The following RDX variants were observed in gnomAD, a reference collection of about 807,000 sequenced individuals.
RDX encodes deafness, autosomal recessive 24.
Under a neutral mutation model 83.7 loss-of-function variants are expected in RDX, and 32 were observed. The ratio of observed to expected loss-of-function variants is 0.38; its 90% CI spans 0.29 to 0.51. The LOEUF is 0.51. Among genes scored for constraint, RDX ranks in the 20% least tolerant of loss-of-function variants. RDX has a pLI of 0.87. For synonymous variants in RDX, 229 were observed against 222.7 expected (o/e 1.03, Z -0.25); for missense variants, 600 against 689.9 (o/e 0.87, Z 1.46).
intron 1 of RDX, among the ~76,000 whole-genome samples, chr11:110,292,333 G>A (rs898392940): frequency 1.3e-5 from 2 of 151,698 alleles, no homozygotes; most frequent in Non-Finnish European, 2.9e-5. Context: ...GGTGGCACAC[G>A]CCTGTGTTGG....
downstream of RDX, among the ~76,000 whole-genome samples, chr11:110,225,205 A>C (rs1864391368): frequency 6.6e-6 from 1 of 152,346 alleles, no homozygotes; most frequent in South Asian, 2.1e-4. Context: ...AAAAAAACAC[A>C]AACACCAAAA....
chr11:110,227,961 A>C (rs1027831522), downstream of RDX, among the ~76,000 whole-genome samples: 3 of 152,140 alleles, frequency 2.0e-5, no homozygotes, highest in Non-Finnish European at 4.4e-5. Context: ...AAGGGAAATC[A>C]AAGTATTGAT....
intron 1 of RDX, among the ~76,000 whole-genome samples, chr11:110,289,416 T>C (rs1861122090): frequency 6.6e-6 from 1 of 152,166 alleles, no homozygotes; most frequent in South Asian, 2.1e-4. Flanking sequence ...TGATTAGATA[T>C]TAGCAGTAAG....
At position 110,233,357 on chromosome 11, in the gene RDX, G is replaced by A. The variant is rs1411872584; in HGVS notation, c.1467C>T (p.His489=). 4 of 1,614,022 alleles carry A rather than the reference G, an allele frequency of 2.5e-6. No individual in the cohort carries two copies. Among genetic ancestry groups the A allele is most frequent in the East Asian group, 2.2e-5 (1 of 44,878 alleles). ...CACTAGCTTCAGCATTATTCTCATCGTGTTCATCATGTTCGTTTTCTGTTG... is the reference window on the plus strand; with the variant it reads ...CACTAGCTTCAGCATTATTCTCATCATGTTCATCATGTTCGTTTTCTGTTG... The part of the protein sequence containing the change: ...IPPTENEHDE[H]DENNAEASAE... Residue 489 remains histidine (H), a synonymous_variant, in exon 13 of 14, where the codon CAC becomes CAT. Transcript: ENST00000645495.
At chr11:110,210,486 G>C (rs1386981684) in intron 14 of RDX, among the ~76,000 whole-genome samples, 1 of 149,132 alleles carries the variant, frequency 6.7e-6, no homozygotes, top group Non-Finnish European at 1.5e-5. Flanking sequence ...GAAATACAGA[G>C]AACACCACAA....
chr11:110,228,242 G>A (rs76245610), downstream of RDX, among the ~76,000 whole-genome samples: 1 of 152,152 alleles, frequency 6.6e-6, no homozygotes, highest in South Asian at 2.1e-4. Flanking sequence ...CGTAGACTGT[G>A]GGGGGTCAGG....
downstream of RDX, among the ~76,000 whole-genome samples, chr11:110,228,956 T>C (rs1376797168): frequency 6.6e-6 from 1 of 151,978 alleles, no homozygotes; most frequent in Non-Finnish European, 1.5e-5. Flanking sequence ...ACTATTTTTA[T>C]AGATTTATCA....
At chr11:110,190,706 T>C (rs1239919913) in intron 15 of RDX, among the ~76,000 whole-genome samples, 3 of 151,700 alleles carry the variant, frequency 2.0e-5, no homozygotes, top group African/African-American at 2.4e-5. Context: ...CCTAGATTAA[T>C]AGAAAAAAGA....
chr11:110,283,275 TC>T lies in RDX; in HGVS notation c.-64-3520del, dbSNP rs201242312. Among the ~76,000 whole-genome samples, 897 of 152,172 alleles carry T rather than the reference TC, an allele frequency of 5.9e-3. 5 individuals are homozygous for T. The highest frequency in any genetic ancestry group is 0.051 in the Middle Eastern group (15 of 294). On this transcript the variant is annotated intron_variant, in intron 1 of 13. Transcript: ENST00000645495. ...TTCAAGCGATTCTCCTGCCTCAGCC[TC>T]CCAAGTAGCTGGGATTACAGGCGTC...
chr11:110,215,979 ACT>A (rs1299156017), intron 14 of RDX, among the ~76,000 whole-genome samples: 1 of 152,232 alleles, frequency 6.6e-6, no homozygotes, highest in Non-Finnish European at 1.5e-5. Context: ...TACAAACTAC[ACT>A]GACACTTCCA....
intron 1 of RDX, among the ~76,000 whole-genome samples, chr11:110,290,749 T>C (rs547801323): frequency 5.3e-5 from 8 of 152,326 alleles, no homozygotes; most frequent in African/African-American, 7.2e-5. Context: ...ACAGTCTCTG[T>C]TGAAACCATT....
At chr11:110,295,319 A>AAC (rs1861401978) in intron 1 of RDX, among the ~76,000 whole-genome samples, 1 of 151,470 alleles carries the variant, frequency 6.6e-6, no homozygotes, top group African/African-American at 2.4e-5. Context: ...AAAAAAAAAA[A>AAC]AAAAAAAAGA....
chr11:110,273,935 TCAG>T (rs1264490109), intron 2 of RDX, among the ~76,000 whole-genome samples: 2 of 152,220 alleles, frequency 1.3e-5, no homozygotes, highest in Non-Finnish European at 2.9e-5. Flanking sequence ...TCTTTTTCCA[TCAG>T]CCTGTAGGTT....
At chr11:110,189,623 A>G (rs1396931870) in intron 15 of RDX, among the ~76,000 whole-genome samples, 1 of 152,234 alleles carries the variant, frequency 6.6e-6, no homozygotes, top group Non-Finnish European at 1.5e-5. Context: ...GCAAGTTTCA[A>G]TAAATTAAAA....
At chr11:110,278,322 G>C (rs1252233329) in intron 2 of RDX, among the ~76,000 whole-genome samples, 2 of 151,822 alleles carry the variant, frequency 1.3e-5, no homozygotes, top group Non-Finnish European at 2.9e-5. Flanking sequence ...TTTAATCAAA[G>C]AAGACTGCCT....
chr11:110,244,464 CA>C (rs1417552921), intron 10 of RDX, among the ~76,000 whole-genome samples: 4 of 148,712 alleles, frequency 2.7e-5, no homozygotes, highest in Non-Finnish European at 4.5e-5. Context: ...AAGCCAGTCA[CA>C]AAAGACCACA....
chr11:110,255,329 T>C lies in RDX; in HGVS notation c.755A>G (p.Asp252Gly), dbSNP rs760963268. 1 of 1,595,544 alleles carries C rather than the reference T, an allele frequency of 6.3e-7. No homozygotes were observed. The highest frequency in any genetic ancestry group is 8.6e-7 in the Non-Finnish European group (1 of 1,163,584). Residue 252 changes from aspartate to glycine, a missense_variant, in exon 8 of 14, where the codon GAC becomes GGC. Coordinates refer to ENST00000645495, the MANE Select transcript of RDX (RefSeq NM_002906.4). ...GATTGGCTTTATAACAAATTTTTTGTCATTAAATGAAATATTTCTGATTTC... is the reference window on the plus strand; with the variant it reads ...GATTGGCTTTATAACAAATTTTTTGCCATTAAATGAAATATTTCTGATTTC... ...WSEIRNISFN[D>G]KKFVIKPIDK... is the part of the protein sequence containing the mutation.
chr11:110,294,407 G>A (rs1227856095), intron 1 of RDX, among the ~76,000 whole-genome samples: 2 of 152,184 alleles, frequency 1.3e-5, no homozygotes, highest in African/African-American at 4.8e-5. Flanking sequence ...ATTAAAATAA[G>A]CATCGGTTTC....
At chr11:110,236,356 G>C in intron 11 of RDX, 165 bp from the exon 12 acceptor site, 1 of 602,488 alleles carries the variant, frequency 1.7e-6, no homozygotes, top group Non-Finnish European at 2.9e-6. Flanking sequence ...TTTACAATAA[G>C]TCCTTTAGGT....
Sources: allele counts gnomAD v4.1 joint callset (sites outside exome capture counted in the v4.1 genomes callset), GRCh38; gene constraint gnomAD v4.1.1; transcripts MANE v1.5; gene names NCBI Gene and HGNC (gene_info 2026-07-23, HGNC 2026-07-21).